FAF1: variants seen among roughly 807,000 people sequenced by gnomAD.
The protein encoded by FAF1 is FAS-associated factor 1.
Under a neutral mutation model 92.5 loss-of-function variants are expected in FAF1, and 25 were observed. The ratio of observed to expected loss-of-function variants is 0.27; its 90% CI spans 0.20 to 0.38. The LOEUF (loss-of-function observed/expected upper bound fraction) is 0.38. Among genes scored for constraint, FAF1 ranks in the 10% least tolerant of loss-of-function variants. The pLI is 1.00. For missense variants in FAF1, 636 were observed against 793.3 expected (o/e 0.80, Z 2.38); for synonymous variants, 234 against 273.2 (o/e 0.86, Z 1.42).
chr1:50,801,656 G>C lies in FAF1; in HGVS notation c.136C>G (p.Pro46Ala), dbSNP rs1419323898. ...DLVAAINGVI[P>A]QENGILQSEY... ...CTTTGTAGAATGCCATTTTCCTGTG[G>C]TATTACACCATTGATAGCTGCCTGC... is the stretch of plus-strand genomic sequence containing the variant. The change falls in exon 3 of 19, where the codon CCA becomes GCA. Residue 46 changes from proline (P) to alanine (A), a missense_variant. By Grantham distance (27) the Pro-to-Ala change is conservative. Transcript: ENST00000396153. 1 of 1,596,012 alleles carries C rather than the reference G, an allele frequency of 6.3e-7. No homozygotes were observed. The highest frequency in any genetic ancestry group is 8.6e-7 in the Non-Finnish European group (1 of 1,164,006).
chr1:50,768,969 TAAAA>T (rs1204990065), intron 4 of FAF1, among the ~76,000 whole-genome samples: 1 of 149,582 alleles, frequency 6.7e-6, no homozygotes, highest in Non-Finnish European at 1.5e-5. Flanking sequence ...AACTGAGACA[TAAAA>T]AAATATACAA....
chr1:50,715,886 G>A (rs1299180581), intron 6 of FAF1, among the ~76,000 whole-genome samples: 1 of 152,028 alleles, frequency 6.6e-6, no homozygotes, highest in East Asian at 1.9e-4. Flanking sequence ...CTCTAGCACA[G>A]GTATTTTTAT....
At chr1:50,894,533 C>T (rs1446527373) in intron 1 of FAF1, among the ~76,000 whole-genome samples, 2 of 151,890 alleles carry the variant, frequency 1.3e-5, no homozygotes, top group African/African-American at 4.8e-5. Flanking sequence ...GCAAGAAAAA[C>T]TTATCTTTAA....
At chr1:50,925,380 C>G (rs1437879278) in intron 1 of FAF1, among the ~76,000 whole-genome samples, 1 of 151,978 alleles carries the variant, frequency 6.6e-6, no homozygotes, top group African/African-American at 2.4e-5. Flanking sequence ...AAGAGATAAC[C>G]TGTAGATAGG....
At chr1:50,663,332 A>G (rs1655476116) in intron 7 of FAF1, among the ~76,000 whole-genome samples, 1 of 151,546 alleles carries the variant, frequency 6.6e-6, no homozygotes, top group Non-Finnish European at 1.5e-5. Flanking sequence ...GTGCCCAGCA[A>G]TCTCTGTTTT....
intron 1 of FAF1, among the ~76,000 whole-genome samples, chr1:50,950,983 C>T (rs1645209688): frequency 6.6e-6 from 1 of 152,218 alleles, no homozygotes; most frequent in South Asian, 2.1e-4. Context: ...GAAATCCCAG[C>T]ACTTTGGGAG....
chr1:50,614,679 A>T (rs1652826966), intron 8 of FAF1, among the ~76,000 whole-genome samples: 1 of 151,936 alleles, frequency 6.6e-6, no homozygotes, highest in Non-Finnish European at 1.5e-5. Context: ...ATCTCTACTA[A>T]AAATACAAAA....
chr1:50,511,156 T>A (rs1263392153), intron 15 of FAF1, among the ~76,000 whole-genome samples: 7 of 152,162 alleles, frequency 4.6e-5, no homozygotes, highest in Admixed American at 3.3e-4. Flanking sequence ...CCCTAATTAG[T>A]GATGGCAGTT....
intron 2 of FAF1, chr1:50,846,608 C>T: frequency 1.9e-6 from 1 of 531,256 alleles, no homozygotes; most frequent in Non-Finnish European, 3.7e-6. Context: ...GTGAGCGCTT[C>T]CTTGTAAGAT....
chr1:50,922,395 G>T (rs1644970680), intron 1 of FAF1, among the ~76,000 whole-genome samples: 1 of 126,158 alleles, frequency 7.9e-6, no homozygotes, highest in Non-Finnish European at 1.6e-5. Flanking sequence ...AGAAACGGAG[G>T]TTGTAGTGAA....
At chr1:50,711,230 T>C (rs1396497424) in intron 6 of FAF1, among the ~76,000 whole-genome samples, 1 of 152,256 alleles carries the variant, frequency 6.6e-6, no homozygotes, top group East Asian at 1.9e-4. Context: ...TTATTGCACA[T>C]AAGTTATAAG....
intron 2 of FAF1, among the ~76,000 whole-genome samples, chr1:50,807,524 C>T (rs772250756): frequency 2.2e-4 from 33 of 152,270 alleles, no homozygotes; most frequent in East Asian, 7.7e-4. Flanking sequence ...GGGGTAAATC[C>T]ACCCCCATGG....
intron 18 of FAF1, among the ~76,000 whole-genome samples, chr1:50,473,072 T>G (rs1388145260): frequency 6.6e-6 from 1 of 152,192 alleles, no homozygotes; most frequent in East Asian, 1.9e-4. Context: ...CCTGAGGTTA[T>G]TAACATTCAA....
intron 8 of FAF1, among the ~76,000 whole-genome samples, chr1:50,636,280 T>A (rs922295303): frequency 6.6e-6 from 1 of 151,854 alleles, no homozygotes; most frequent in Non-Finnish European, 1.5e-5. Flanking sequence ...AAAATTTCCA[T>A]CACTTCTCAA....
At chr1:50,892,284 T>A (rs1200673729) in intron 1 of FAF1, among the ~76,000 whole-genome samples, 2 of 152,242 alleles carry the variant, frequency 1.3e-5, no homozygotes, top group Non-Finnish European at 2.9e-5. Flanking sequence ...GGAAAGGGAA[T>A]TCCCTGACGC....
chr1:50,569,351 G>A (rs1427496519), intron 12 of FAF1, among the ~76,000 whole-genome samples: 3 of 152,202 alleles, frequency 2.0e-5, no homozygotes, highest in Admixed American at 2.0e-4. Context: ...ACTAGCCTGG[G>A]TCCCAGCCTG....
intron 1 of FAF1, among the ~76,000 whole-genome samples, chr1:50,904,721 C>A (rs1193625565): frequency 6.6e-6 from 1 of 151,964 alleles, no homozygotes; most frequent in Non-Finnish European, 1.5e-5. Flanking sequence ...TACTAATGGT[C>A]CTAAATAATA....
At chr1:50,690,600 A>AAAAC (rs935994896) in intron 7 of FAF1, among the ~76,000 whole-genome samples, 4 of 152,140 alleles carry the variant, frequency 2.6e-5, no homozygotes, top group Admixed American at 2.0e-4. Context: ...GACTGTCTCA[A>AAAAC]AAACAAACAA....
intron 15 of FAF1, among the ~76,000 whole-genome samples, chr1:50,510,612 G>A (rs1005856169): frequency 3.9e-5 from 6 of 152,100 alleles, no homozygotes; most frequent in Non-Finnish European, 7.4e-5. Context: ...CCAAAAATAA[G>A]AACATTAGAG....
Sources: allele counts gnomAD v4.1 joint callset (sites outside exome capture counted in the v4.1 genomes callset), GRCh38; gene constraint gnomAD v4.1.1; transcripts MANE v1.5; gene names NCBI Gene and HGNC (gene_info 2026-07-23, HGNC 2026-07-21).